The following NCOR1 variants were observed in gnomAD, a reference collection of about 807,000 sequenced individuals.
NCOR1 encodes the protein nuclear receptor corepressor 1.
Under a neutral mutation model 288.1 loss-of-function variants are expected in NCOR1, and 63 were observed. The observed-to-expected ratio is 0.22, with a 90% CI of 0.18 to 0.27. NCOR1 has a LOEUF of 0.27. Ranked by LOEUF, NCOR1 falls within the 10% of genes least tolerant of loss-of-function variation. The pLI is 1.00. For missense variants in NCOR1, 2,397 were observed against 3,019.2 expected (o/e 0.79, Z 4.83); for synonymous variants, 1,007 against 1,065.9 (o/e 0.94, Z 1.08).
chr17:16,125,381 T>C (rs535858291), intron 15 of NCOR1, among the ~76,000 whole-genome samples: 22 of 146,964 alleles, frequency 1.5e-4, no homozygotes, highest in African/African-American at 2.0e-4. Context: ...ATAAATAAAA[T>C]AAAATTTCAG....
intron 16 of NCOR1, 79 bp from the exon 17 acceptor site, chr17:16,119,564 C>A: frequency 1.1e-6 from 1 of 951,494 alleles, no homozygotes. Flanking sequence ...ATAATTATAT[C>A]TCTTTATCTG....
intron 27 of NCOR1, among the ~76,000 whole-genome samples, chr17:16,073,864 C>A (rs2062050607): frequency 6.6e-6 from 1 of 152,088 alleles, no homozygotes; most frequent in African/African-American, 2.4e-5. Context: ...GTAAAATAAG[C>A]TATGAAAGGA....
At chr17:16,123,283 T>G (rs1275449024) in intron 15 of NCOR1, among the ~76,000 whole-genome samples, 4 of 152,200 alleles carry the variant, frequency 2.6e-5, no homozygotes, top group African/African-American at 9.7e-5. Context: ...TTCCTACATG[T>G]GATCTAATGC....
intron 40 of NCOR1, among the ~76,000 whole-genome samples, chr17:16,055,603 T>C (rs761305797): frequency 2.2e-4 from 34 of 152,098 alleles, no homozygotes; most frequent in Non-Finnish European, 5.9e-5. Context: ...GACAAAATAA[T>C]CTTTACAACA....
Position 16,068,033 on chromosome 17 carries a change from T to C in NCOR1, c.4602A>G (p.Pro1534=). 6.2e-7 allele frequency: 1 copy of C among 1,614,200 alleles called. No individual in the cohort carries two copies. Among genetic ancestry groups the C allele is most frequent in the Non-Finnish European group, 8.5e-7 (1 of 1,180,036 alleles). Reference sequence around the variant, plus strand: ...TCACGACAGGGTCCACCCCAGGCACTGGAGACTTCGCTGGGATACTTTCCC... The same window carrying C: ...TCACGACAGGGTCCACCCCAGGCACCGGAGACTTCGCTGGGATACTTTCCC... ...TQRESIPAKS[P]VPGVDPVVSH... is the part of the protein sequence containing the mutation. The change falls in exon 32 of 46, where the codon CCA becomes CCG. Residue 1534 remains proline, a synonymous_variant. Coordinates refer to ENST00000268712, the MANE Select transcript of NCOR1 (RefSeq NM_006311.4).
chr17:16,064,242 T>C, intron 34 of NCOR1, 55 bp from the exon 35 acceptor site: 3 of 1,551,328 alleles, frequency 1.9e-6, no homozygotes, highest in Non-Finnish European at 2.6e-6. Context: ...ACTGAGTATA[T>C]CAAACAATTC....
intron 8 of NCOR1, 147 bp downstream of exon 8, chr17:16,151,799 G>A (rs2078907103): frequency 4.5e-6 from 4 of 879,144 alleles, no homozygotes; most frequent in East Asian, 5.3e-5. Context: ...GCCAGAGGAA[G>A]ATAACATATA....
At chr17:16,155,413 T>C (rs2079595427) in intron 6 of NCOR1, among the ~76,000 whole-genome samples, 1 of 151,472 alleles carries the variant, frequency 6.6e-6, no homozygotes, top group African/African-American at 2.4e-5. Context: ...ATTCTGCAAA[T>C]TTCTCTAGTA....
chr17:16,104,174 T>C (rs532966556), intron 19 of NCOR1, among the ~76,000 whole-genome samples: 24 of 152,370 alleles, frequency 1.6e-4, no homozygotes, highest in African/African-American at 5.3e-4. Flanking sequence ...AGATCATTTA[T>C]TTTGATTATC....
intron 1 of NCOR1, among the ~76,000 whole-genome samples, chr17:16,209,723 G>A (rs550078359): frequency 2.4e-3 from 369 of 151,306 alleles, no homozygotes; most frequent in South Asian, 0.012. Flanking sequence ...AGGCCAAGGC[G>A]GGCAGATCAC....
chr17:16,051,867 C>T (rs1053731415), intron 40 of NCOR1, among the ~76,000 whole-genome samples: 20 of 152,054 alleles, frequency 1.3e-4, no homozygotes, highest in Admixed American at 2.6e-4. Flanking sequence ...GCTGAGATCG[C>T]GCCATTGCAT....
Position 16,100,888 on chromosome 17 carries a change from T to G in NCOR1, c.2690+362A>C, listed in dbSNP as rs931305105. ...TTGCACTGCCTTAGAGAAGCGGGAG[T>G]GCCTCAATGCCTCTAGCCTCCACCT... On this transcript the variant is annotated intron_variant, in intron 20 of 45. Coordinates refer to ENST00000268712, the MANE Select transcript of NCOR1 (RefSeq NM_006311.4). 2.6e-5 allele frequency among the ~76,000 whole-genome samples: 4 copies of G among 152,172 alleles called. No individual in the cohort carries two copies. In the East Asian group the frequency reaches 7.7e-4, roughly 29 times the overall value.
chr17:16,043,113 CAA>C (rs2058042274), intron 42 of NCOR1, among the ~76,000 whole-genome samples: 1 of 152,120 alleles, frequency 6.6e-6, no homozygotes, highest in Non-Finnish European at 1.5e-5. Flanking sequence ...ATCAGAAAGC[CAA>C]GAGAGGAAAG....
chr17:16,042,948 T>C (rs2152089290), intron 42 of NCOR1, among the ~76,000 whole-genome samples: 1 of 151,784 alleles, frequency 6.6e-6, no homozygotes, highest in East Asian at 1.9e-4. Flanking sequence ...CTCCCCAGAG[T>C]AGATGAGATG....
chr17:16,110,646 C>A (rs916743911), intron 18 of NCOR1, among the ~76,000 whole-genome samples: 1 of 152,196 alleles, frequency 6.6e-6, no homozygotes, highest in African/African-American at 2.4e-5. Context: ...ACAGAGCCTA[C>A]GTTTCACCTC....
chr17:16,097,952 A>T (rs938231497), intron 21 of NCOR1, among the ~76,000 whole-genome samples: 1 of 152,184 alleles, frequency 6.6e-6, no homozygotes, highest in African/African-American at 2.4e-5. Context: ...CTAGTTGGTG[A>T]CCAAAGAGGT....
chr17:16,206,000 C>T (rs902765693), intron 1 of NCOR1, among the ~76,000 whole-genome samples: 1 of 151,094 alleles, frequency 6.6e-6, no homozygotes, highest in Admixed American at 6.6e-5. Context: ...TGTTTAGCCT[C>T]AATCTTGATG....
chr17:16,171,920 C>A lies in NCOR1; in HGVS notation c.318G>T (p.Ser106=), dbSNP rs547225082. 7 of 1,612,810 alleles carry A rather than the reference C, an allele frequency of 4.3e-6. No individual in the cohort carries two copies. Among genetic ancestry groups the A allele is most frequent in the Non-Finnish European group, 5.9e-6 (7 of 1,179,442 alleles). ...AAACCTGTTCCAGACGTGGTCGCTT[C>A]GATTCCAGTGAATCATGATCCACTG... The part of the protein sequence containing the change: ...PSPVDHDSLE[S]KRPRLEQVSD... The change falls in exon 4 of 46, where the codon TCG becomes TCT. Residue 106 remains serine (S), a synonymous_variant. Transcript: ENST00000268712.
At position 16,062,095 on chromosome 17, in the gene NCOR1, A is replaced by G. The variant is rs370880463; in HGVS notation, c.5387+10T>C. 4 of 1,609,756 alleles carry G rather than the reference A, an allele frequency of 2.5e-6. No individual in the cohort carries two copies. In the African/African-American group the frequency reaches 4.0e-5, roughly 16 times the overall value. ...GACATTTTTTGTCAAAATATGTACA[A>G]GAGACTGACATGATTCGTAGCTGAG... On this transcript the variant is annotated intron_variant, in intron 36 of 45. Transcript: ENST00000268712.
Sources: allele counts gnomAD v4.1 joint callset (sites outside exome capture counted in the v4.1 genomes callset), GRCh38; gene constraint gnomAD v4.1.1; transcripts MANE v1.5; gene names NCBI Gene and HGNC (gene_info 2026-07-23, HGNC 2026-07-21).